The following CPEB2 variants were observed in gnomAD, a reference collection of about 807,000 sequenced individuals.
The protein encoded by CPEB2 is cytoplasmic polyadenylation element binding protein 2.
CPEB2 carries 56 observed loss-of-function variants against 93.6 expected under a neutral mutation model. The observed-to-expected ratio is 0.60, with a 90% CI of 0.48 to 0.75. The LOEUF is 0.75. Ranked by LOEUF, CPEB2 falls within the 30% of genes least tolerant of loss-of-function variation. The pLI is 0.00. For missense variants in CPEB2, 1,579 were observed against 1,395.1 expected, an observed-to-expected ratio of 1.13 and a Z score of -2.10; for synonymous variants, 764 against 586.3, an observed-to-expected ratio of 1.30 and a Z score of -4.38.
chr4:15,050,050 C>T (rs952796465), intron 6 of CPEB2, among the ~76,000 whole-genome samples: 6 of 152,126 alleles, frequency 3.9e-5, no homozygotes, highest in South Asian at 4.1e-4. Flanking sequence ...TAAAACGGTC[C>T]GGTCCGTGGC....
At chr4:15,037,676 A>C (rs917584105) in intron 5 of CPEB2, among the ~76,000 whole-genome samples, 4 of 152,208 alleles carry the variant, frequency 2.6e-5, no homozygotes, top group African/African-American at 9.6e-5. Context: ...TAAATAAATA[A>C]GGACACACAT....
rs750754070 is a variant in CPEB2, at chr4:15,007,506, C to T, written c.1864C>T (p.Pro622Ser). Residue 622 changes from proline (P) to serine (S), a missense_variant, in exon 2 of 12, where the codon CCA (proline) becomes TCA (serine). By Grantham distance (74) the Pro-to-Ser change is moderately conservative (BLOSUM62 -1). Transcript: ENST00000538197. The part of the protein sequence containing the change: ...IAPPKFTRST[P>S]SLTPKSWIED... ...ACCACCGAAATTTACTCGCTCAACT[C>T]CATCACTGACTCCAAAATCTTGGAT... 15 of 1,613,848 alleles carry T rather than the reference C, an allele frequency of 9.3e-6. No individual in the cohort carries two copies. The South Asian group carries it at 1.5e-4, about 17-fold the overall frequency.
At chr4:15,013,523 G>A (rs1216915791) in intron 3 of CPEB2, among the ~76,000 whole-genome samples, 1 of 151,900 alleles carries the variant, frequency 6.6e-6, no homozygotes, top group African/African-American at 2.4e-5. Context: ...TCAAACTGAT[G>A]GCAGTTTGCA....
chr4:15,033,081 G>A lies in CPEB2; in HGVS notation c.2126-80G>A, dbSNP rs1467625591. ...ATAATTTTCTCTTTATGCTGCCTTT[G>A]TTGTTGTTTTTTGTTTTTTTGTTTT... On this transcript the variant is annotated intron_variant, in intron 4 of 11. Coordinates refer to ENST00000538197, the MANE Select transcript of CPEB2 (RefSeq NM_001177382.2). 5.3e-6 allele frequency: 5 copies of A among 937,522 alleles called. No individual in the cohort carries two copies. The African/African-American group carries it at 6.7e-5, about 13-fold the overall frequency. 58.1% of individuals were successfully genotyped at this position (937,522 alleles called of 1,614,324 possible). A position where few individuals can be genotyped will look rare whatever the true frequency, so the allele number is the denominator to read the frequency against.
rs1320761654 is a variant in CPEB2 at position 15,068,031 on chromosome 4, T to C, written c.*1651T>C. The C allele has an allele frequency of 6.6e-6, 1 of 152,374 alleles. No homozygotes were observed. Among genetic ancestry groups the C allele is most frequent in the African/African-American group, 2.4e-5 (1 of 41,424 alleles). The allele number at this position is 152,374 out of a possible 1,614,324, so 9.4% of individuals were successfully genotyped here. A position where few individuals can be genotyped will look rare whatever the true frequency, so the allele number is the denominator to read the frequency against. On this transcript the variant is annotated 3_prime_UTR_variant, in exon 12 of 12. Coordinates refer to ENST00000538197, the MANE Select transcript of CPEB2 (RefSeq NM_001177382.2). ...GAGCATTTTTAATGCAACTAGCCCC[T>C]ATATTTTAATGTAAGAGTTACTCTG...
chr4:15,037,091 A>G (rs1177866952), intron 5 of CPEB2, among the ~76,000 whole-genome samples: 1 of 152,184 alleles, frequency 6.6e-6, no homozygotes, highest in Non-Finnish European at 1.5e-5. Context: ...TCACGAGGTC[A>G]GGAGATCGAG....
rs940534402 is a variant in CPEB2, at chr4:15,067,685, A to C, written c.*1305A>C. ...AGTAAAGTCAAAATGGAGAAGGGGA[A>C]ATATACAGATGGCTAGTTGCATAAA... is the stretch of plus-strand genomic sequence containing the variant. On this transcript the variant is annotated 3_prime_UTR_variant, in exon 12 of 12. Transcript: ENST00000538197. 6.6e-6 allele frequency: 1 copy of C among 152,460 alleles called. No homozygotes were observed. Among genetic ancestry groups the C allele is most frequent in the Non-Finnish European group, 1.5e-5 (1 of 67,958 alleles). 9.4% of individuals were successfully genotyped at this position (152,460 alleles called of 1,614,324 possible).
In CPEB2 at chr4:15,003,610, T is replaced by C. The variant is rs1437716715; in HGVS notation, c.937T>C (p.Ser313Pro). 6.8e-7 allele frequency: 1 copy of C among 1,478,322 alleles called. No individual in the cohort carries two copies. The highest frequency in any genetic ancestry group is 2.3e-5 in the Admixed American group (1 of 43,864). The allele number at this position is 1,478,322 out of a possible 1,614,324, so 91.6% of individuals were successfully genotyped here. A position where few individuals can be genotyped will look rare whatever the true frequency, so the allele number is the denominator to read the frequency against. Reference sequence around the variant, plus strand: ...GACGCCGGTGAACCCCGCGCCGGGCTCCATGGAGTCCCCCAACCACCCTCT... The same window carrying C: ...GACGCCGGTGAACCCCGCGCCGGGCCCCATGGAGTCCCCCAACCACCCTCT... ...SSTPVNPAPGSMESPNHPLLN... is the reference protein window; with the variant it reads ...SSTPVNPAPGPMESPNHPLLN... Residue 313 changes from serine (S) to proline (P), a missense_variant, in exon 1 of 12, where the codon TCC becomes CCC. By Grantham distance (74) the Ser-to-Pro change is moderately conservative. Coordinates refer to ENST00000538197, the MANE Select transcript of CPEB2 (RefSeq NM_001177382.2).
In CPEB2 at chr4:15,058,452, C is replaced by T. The variant is rs1047606879; in HGVS notation, c.2493C>T (p.Ser831=). ...CATTTCTTCTCTTTCAAGAAGAGAG[C>T]TCAGTTCAGGCACTCATTGATGCTT... ...GYAFLLFQEE[S]SVQALIDACI... Residue 831 remains serine (S), a synonymous_variant, in exon 9 of 12, where the codon AGC becomes AGT. Coordinates refer to ENST00000538197, the MANE Select transcript of CPEB2 (RefSeq NM_001177382.2). The T allele has an allele frequency of 5.6e-6, 9 of 1,610,742 alleles. No homozygotes were observed. The highest frequency in any genetic ancestry group is 7.6e-6 in the Non-Finnish European group (9 of 1,177,486).
Position 15,042,503 on chromosome 4 carries a change from A to T in CPEB2, c.2200+2016A>T, listed in dbSNP as rs1727287198. On this transcript the variant is annotated intron_variant, in intron 6 of 11. Transcript: ENST00000538197. ...TTTAAGGCTTCTGATAAAAGCTTCC[A>T]TTACGACAGAACTGATGGTTGGCAT... 2.0e-5 allele frequency among the ~76,000 whole-genome samples: 3 copies of T among 152,216 alleles called. No individual in the cohort carries two copies. In the South Asian group the frequency reaches 6.2e-4, roughly 31 times the overall value.
chr4:15,028,741 A>C (rs1177360574), intron 4 of CPEB2, among the ~76,000 whole-genome samples: 1 of 151,978 alleles, frequency 6.6e-6, no homozygotes, highest in Non-Finnish European at 1.5e-5. Context: ...TTCAAGCAGA[A>C]AAAAAAGGAA....
In CPEB2 at chr4:15,033,151, CTT is replaced by C; in HGVS notation, c.2126-6_2126-5del. 6.3e-7 allele frequency: 1 copy of C among 1,594,240 alleles called. No individual in the cohort carries two copies. The highest frequency in any genetic ancestry group is 8.6e-7 in the Non-Finnish European group (1 of 1,166,024). On this transcript the variant is annotated splice_region_variant and splice_polypyrimidine_tract_variant and intron_variant, in intron 4 of 11. Coordinates refer to ENST00000538197, the MANE Select transcript of CPEB2 (RefSeq NM_001177382.2). ...TAATCTTCAAACTCACCTTTCCTGT[CTT>C]TTTAAAGGTCGATTGAGCTATCCAC...
At chr4:15,009,657 G>A (rs992360478) in intron 3 of CPEB2, among the ~76,000 whole-genome samples, 2 of 152,108 alleles carry the variant, frequency 1.3e-5, no homozygotes, top group African/African-American at 4.8e-5. Flanking sequence ...AAATAGAAGA[G>A]GACATAATTA....
intron 6 of CPEB2, among the ~76,000 whole-genome samples, chr4:15,044,385 C>T (rs986419743): frequency 2.0e-5 from 3 of 152,080 alleles, no homozygotes; most frequent in Non-Finnish European, 4.4e-5. Context: ...CCTTTCCTAA[C>T]CTTTAAGAGA....
chr4:15,066,370 G>T lies in CPEB2; in HGVS notation c.3095G>T (p.Arg1032Leu). The T allele has an allele frequency of 6.3e-7, 1 of 1,599,588 alleles. No individual in the cohort carries two copies. The highest frequency in any genetic ancestry group is 8.5e-7 in the Non-Finnish European group (1 of 1,171,750). Reference protein sequence around the residue: ...GADRPRQIHFRWN With the variant: ...GADRPRQIHFLWN ...GATCGCCCACGTCAGATCCACTTCC[G>T]CTGGAACTAAGAATAGCAAACTGGC... Residue 1032 changes from arginine to leucine, a missense_variant, in exon 12 of 12, where the codon CGC becomes CTC. Arg to Leu is a moderately radical substitution (Grantham distance 102). Around this residue, in one of 2 missense-constraint regions of CPEB2, gnomAD observed 168 missense variants for 339.1 expected, o/e 0.50. Coordinates refer to ENST00000538197, the MANE Select transcript of CPEB2 (RefSeq NM_001177382.2).
At chr4:15,011,101 CTTT>C (rs201436379) in intron 3 of CPEB2, among the ~76,000 whole-genome samples, 1 of 125,762 alleles carries the variant, frequency 8.0e-6, no homozygotes, top group Non-Finnish European at 1.7e-5. Context: ...AATTTCTTTT[CTTT>C]TTTTTTTTTT....
chr4:15,036,266 T>C (rs927422358), intron 5 of CPEB2, among the ~76,000 whole-genome samples: 9 of 152,184 alleles, frequency 5.9e-5, no homozygotes, highest in African/African-American at 7.2e-5. Flanking sequence ...CATATAAATA[T>C]AACTACAAGC....
chr4:15,039,260 C>T (rs556517102), intron 5 of CPEB2, among the ~76,000 whole-genome samples: 7 of 152,210 alleles, frequency 4.6e-5, no homozygotes, highest in Non-Finnish European at 8.8e-5. Flanking sequence ...TGAGAGTTGA[C>T]AAGTTTGTTT....
chr4:15,023,913 G>C (rs1428787164), intron 4 of CPEB2, among the ~76,000 whole-genome samples: 1 of 152,014 alleles, frequency 6.6e-6, no homozygotes, highest in Non-Finnish European at 1.5e-5. Context: ...TTTTGTTTAA[G>C]TCAGGGATTG....
Sources: allele counts gnomAD v4.1 joint callset (sites outside exome capture counted in the v4.1 genomes callset), GRCh38; gene constraint gnomAD v4.1.1; regional missense constraint gnomAD v4.1.1; transcripts MANE v1.5; gene names NCBI Gene and HGNC (gene_info 2026-07-23, HGNC 2026-07-21).